The following FREM1 variants were observed in gnomAD, a reference collection of about 807,000 sequenced individuals.
The protein encoded by FREM1 is FRAS1-related extracellular matrix protein 1.
Under a neutral mutation model 210.1 loss-of-function variants are expected in FREM1, and 220 were observed. The observed-to-expected ratio is 1.05, with a 90% CI of 0.94 to 1.17. The LOEUF is 1.17. Among genes scored for constraint, FREM1 ranks in the 50% most tolerant of loss-of-function variants. The pLI is 0.00. For synonymous variants in FREM1, 1,189 were observed against 980.2 expected, an observed-to-expected ratio of 1.21 and a Z score of -3.98; for missense variants, 3,454 against 2,675.5, an observed-to-expected ratio of 1.29 and a Z score of -6.42.
At position 14,808,046 on chromosome 9, in the gene FREM1, G is replaced by C; in HGVS notation, c.2982C>G (p.Cys994Trp). 1 of 1,613,544 alleles carries C rather than the reference G, an allele frequency of 6.2e-7. No individual in the cohort carries two copies. The highest frequency in any genetic ancestry group is 1.1e-5 in the South Asian group (1 of 91,026). ...GEAGPFVNGC[C>W]YNGPNPSVPL... ...GAACAGATGGATTGGGTCCATTGTA[G>C]CAACAGCCATTCACAAAAGGGCCAG... The change falls in exon 17 of 37, where the codon TGC becomes TGG. Residue 994 changes from cysteine (C) to tryptophan (W), a missense_variant. Transcript: ENST00000380880.
intron 34 of FREM1, 56 bp downstream of exon 34, chr9:14,746,867 C>T (rs908910462): frequency 2.5e-6 from 4 of 1,574,590 alleles, no homozygotes; most frequent in South Asian, 2.4e-5. Context: ...CCTCTATTAG[C>T]TTATCATAGA....
At chr9:14,739,830 A>G (rs900262464) in intron 36 of FREM1, among the ~76,000 whole-genome samples, 1 of 152,016 alleles carries the variant, frequency 6.6e-6, no homozygotes, top group Non-Finnish European at 1.5e-5. Flanking sequence ...TGGCTGTACT[A>G]TAATTTATTT....
rs372098339 is a variant in FREM1, at chr9:14,751,380, G to T, written c.5408-1104C>A. Among the ~76,000 whole-genome samples, 62 of 152,246 alleles carry T rather than the reference G, an allele frequency of 4.1e-4. No homozygotes were observed. In the South Asian group the frequency reaches 0.013, roughly 32 times the overall value. ...AATGTAACTCTTGGCCGGGTGCAGT[G>T]GTAAACAACTGTAATCCCAGCACTT... is the stretch of plus-strand genomic sequence containing the variant. On this transcript the variant is annotated intron_variant, in intron 29 of 36. Coordinates refer to ENST00000380880, the MANE Select transcript of FREM1 (RefSeq NM_001379081.2).
intron 23 of FREM1, among the ~76,000 whole-genome samples, chr9:14,785,025 A>C (rs74335823): frequency 6.6e-6 from 1 of 152,138 alleles, no homozygotes; most frequent in South Asian, 2.1e-4. Flanking sequence ...AAGATTTGGC[A>C]TTATTTTGTA....
chr9:14,905,896 TA>T (rs1453549961), intron 1 of FREM1, among the ~76,000 whole-genome samples: 1 of 115,416 alleles, frequency 8.7e-6, no homozygotes, highest in Admixed American at 8.1e-5. Context: ...GTCTCAAATT[TA>T]AAAAAAGAAA....
intron 21 of FREM1, among the ~76,000 whole-genome samples, chr9:14,794,721 C>T (rs1006075654): frequency 3.3e-5 from 5 of 151,986 alleles, no homozygotes; most frequent in African/African-American, 7.2e-5. Context: ...GAGATTGGGC[C>T]GGGCGCAGTG....
chr9:14,878,050 C>G (rs1207592262), intron 1 of FREM1, among the ~76,000 whole-genome samples: 1 of 152,234 alleles, frequency 6.6e-6, no homozygotes, highest in African/African-American at 2.4e-5. Flanking sequence ...GATCTCCCTA[C>G]TTCTACTCCT....
intron 2 of FREM1, among the ~76,000 whole-genome samples, chr9:14,867,050 G>T (rs1831658338): frequency 6.6e-6 from 1 of 152,010 alleles, no homozygotes; most frequent in South Asian, 2.1e-4. Flanking sequence ...AGTAGAGATG[G>T]AGTTTCACCA....
In FREM1 at chr9:14,801,854, T is replaced by C; in HGVS notation, c.3492A>G (p.Lys1164=). 1 of 1,612,296 alleles carries C rather than the reference T, an allele frequency of 6.2e-7. No individual in the cohort carries two copies. The highest frequency in any genetic ancestry group is 8.5e-7 in the Non-Finnish European group (1 of 1,178,980). ...QNITVCEGQM[K]ELDSSIISAV... is the part of the protein sequence containing the mutation. ...CGCTGATGATGGAAGAGTCCAGCTC[T>C]TTCATCTGACCCTCACACACCTGAG... Residue 1164 remains lysine (K), a synonymous_variant, in exon 20 of 37, where the codon AAA becomes AAG. Coordinates refer to ENST00000380880, the MANE Select transcript of FREM1 (RefSeq NM_001379081.2).
At chr9:14,800,709 G>A (rs751211718) in intron 20 of FREM1, among the ~76,000 whole-genome samples, 1 of 152,052 alleles carries the variant, frequency 6.6e-6, no homozygotes, top group South Asian at 2.1e-4. Context: ...GTCTAAAAGT[G>A]AAAGAAAACA....
At chr9:14,867,006 TG>T (rs1831649387) in intron 2 of FREM1, among the ~76,000 whole-genome samples, 2 of 130,748 alleles carry the variant, frequency 1.5e-5, no homozygotes, top group East Asian at 3.9e-4. Flanking sequence ...CTTACAGGTA[TG>T]TGCCACTACG....
At chr9:14,792,417 G>A (rs746429763) in intron 22 of FREM1, among the ~76,000 whole-genome samples, 7 of 152,038 alleles carry the variant, frequency 4.6e-5, no homozygotes, top group Non-Finnish European at 1.0e-4. Context: ...CAAAAATCTG[G>A]TAGAAATGAA....
intron 2 of FREM1, among the ~76,000 whole-genome samples, chr9:14,867,357 G>C (rs1008720467): frequency 6.6e-6 from 1 of 152,182 alleles, no homozygotes; most frequent in Non-Finnish European, 1.5e-5. Flanking sequence ...TAACTGAGGA[G>C]ACACTGCAAC....
At chr9:14,861,130 C>CATAT (rs536484018) in intron 3 of FREM1, among the ~76,000 whole-genome samples, 10 of 69,128 alleles carry the variant, frequency 1.4e-4, no homozygotes, top group East Asian at 1.1e-3. Flanking sequence ...CATATATACA[C>CATAT]ATATATACAT....
intron 6 of FREM1, among the ~76,000 whole-genome samples, chr9:14,850,098 T>C (rs1323454117): frequency 6.6e-6 from 1 of 152,198 alleles, no homozygotes; most frequent in Non-Finnish European, 1.5e-5. Context: ...CAAGTCTCTA[T>C]CAGTCTGCTC....
At chr9:14,791,514 T>C (rs764897347) in intron 22 of FREM1, among the ~76,000 whole-genome samples, 39 of 152,196 alleles carry the variant, frequency 2.6e-4, no homozygotes, top group Admixed American at 2.2e-3. Context: ...CACGTGAAGT[T>C]TTCTCCCACA....
rs1018753506 is a variant in FREM1 at position 14,750,348 on chromosome 9, A to G, written c.5408-72T>C. 10 of 1,216,166 alleles carry G rather than the reference A, an allele frequency of 8.2e-6. No individual in the cohort carries two copies. The Admixed American group carries it at 8.4e-5, about 10-fold the overall frequency. The allele number at this position is 1,216,166 out of a possible 1,614,324, so 75.3% of individuals were successfully genotyped here. On this transcript the variant is annotated intron_variant, in intron 29 of 36. Transcript: ENST00000380880. ...CACCTAGGTGTCAGAGAAATATATTAATTAACATGTCTACAGCTAGACTGC... is the reference window on the plus strand; with the variant it reads ...CACCTAGGTGTCAGAGAAATATATTGATTAACATGTCTACAGCTAGACTGC...
intron 23 of FREM1, among the ~76,000 whole-genome samples, chr9:14,788,464 A>G (rs1490490042): frequency 1.3e-5 from 2 of 152,162 alleles, no homozygotes; most frequent in East Asian, 3.8e-4. Context: ...TCTAATGACA[A>G]AGTTTATCTT....
intron 29 of FREM1, among the ~76,000 whole-genome samples, chr9:14,752,870 C>CA (rs1382150976): frequency 1.3e-5 from 2 of 151,562 alleles, no homozygotes; most frequent in African/African-American, 4.9e-5. Context: ...AACAAACAAA[C>CA]AAAAAACAAA....
Sources: gnomAD v4.1 joint callset for allele counts (sites outside exome capture counted in the v4.1 genomes callset) on GRCh38, gnomAD v4.1.1 for gene constraint, MANE v1.5 for transcripts, NCBI Gene and HGNC (gene_info 2026-07-23, HGNC 2026-07-21) for gene names.